The following CFAP299 variants were observed in gnomAD, a reference collection of about 807,000 sequenced individuals.
The protein encoded by CFAP299 is cilia and flagella associated protein 299.
CFAP299 carries 21 observed loss-of-function variants against 27.0 expected under a neutral mutation model. The ratio of observed to expected loss-of-function variants is 0.78; its 90% CI spans 0.55 to 1.12. CFAP299 has a LOEUF of 1.12. CFAP299 is among the 50% of genes most tolerant of loss of function. The probability of loss-of-function intolerance (pLI) is 0.00; values close to 1 mark genes in which losing one functional copy is unlikely to be tolerated. For synonymous variants in CFAP299, 104 were observed against 98.1 expected (o/e 1.06, Z -0.36); for missense variants, 310 against 276.6 (o/e 1.12, Z -0.86).
chr4:80,760,718 T>G (rs547370528), intron 3 of CFAP299, among the ~76,000 whole-genome samples: 45 of 152,170 alleles, frequency 3.0e-4, no homozygotes, highest in Admixed American at 7.2e-4. Flanking sequence ...TCAAATTTTT[T>G]CAAGAACACA....
intron 3 of CFAP299, among the ~76,000 whole-genome samples, chr4:80,752,408 A>G (rs1366378939): frequency 1.4e-5 from 2 of 146,370 alleles, no homozygotes; most frequent in African/African-American, 5.0e-5. Flanking sequence ...ATATTTATAT[A>G]TATATATACA....
At chr4:80,440,058 G>A (rs1560568297) in intron 2 of CFAP299, among the ~76,000 whole-genome samples, 1 of 152,174 alleles carries the variant, frequency 6.6e-6, no homozygotes, top group African/African-American at 2.4e-5. Flanking sequence ...CCCATCAGGG[G>A]CTTATAGATA....
At chr4:80,935,407 C>T (rs547829349) in intron 4 of CFAP299, among the ~76,000 whole-genome samples, 6 of 152,026 alleles carry the variant, frequency 3.9e-5, no homozygotes, top group South Asian at 4.1e-4. Context: ...GAAGAAGGGC[C>T]ACACACTGTG....
intron 4 of CFAP299, among the ~76,000 whole-genome samples, chr4:80,930,690 C>T (rs1736570329): frequency 6.6e-6 from 1 of 152,134 alleles, no homozygotes; most frequent in Non-Finnish European, 1.5e-5. Flanking sequence ...TGTGTTTTCT[C>T]ACTCAGACAC....
intron 2 of CFAP299, among the ~76,000 whole-genome samples, chr4:80,558,535 A>G (rs1235677726): frequency 6.6e-6 from 1 of 151,844 alleles, no homozygotes; most frequent in Admixed American, 6.6e-5. Context: ...ACAGATCAAC[A>G]CAAACTTGAG....
intron 3 of CFAP299, among the ~76,000 whole-genome samples, chr4:80,779,411 A>G (rs1336580664): frequency 6.6e-6 from 1 of 152,012 alleles, no homozygotes; most frequent in African/African-American, 2.4e-5. Context: ...AATGTATCCT[A>G]CTTTGCTACT....
chr4:80,504,462 C>CAT (rs56729877), intron 2 of CFAP299, among the ~76,000 whole-genome samples: 3,769 of 37,422 alleles, frequency 0.1, 203 homozygotes, highest in Non-Finnish European at 0.11. Flanking sequence ...TAAAATCTCA[C>CAT]ATATATATAT....
At chr4:80,366,318 A>AC (rs1413536926) in intron 2 of CFAP299, among the ~76,000 whole-genome samples, 1 of 152,220 alleles carries the variant, frequency 6.6e-6, no homozygotes, top group Non-Finnish European at 1.5e-5. Flanking sequence ...ATCATAGAGC[A>AC]CCTATTTCGA....
Position 80,858,113 on chromosome 4 carries a change from A to T in CFAP299, c.334-11880A>T, listed in dbSNP as rs921985407. ...TGTTATTGGTCTATTCAGAGATTCA[A>T]CTTCTTCCTACTTTAGTCTTGGGAG... On this transcript the variant is annotated intron_variant, in intron 3 of 5. Transcript: ENST00000358105. Among the ~76,000 whole-genome samples, 85 of 152,176 alleles carry T rather than the reference A, an allele frequency of 5.6e-4. 1 individual carries two copies. Among genetic ancestry groups the T allele is most frequent in the Non-Finnish European group, 1.8e-4 (12 of 68,032 alleles).
At chr4:80,898,887 A>G (rs780354550) in intron 4 of CFAP299, among the ~76,000 whole-genome samples, 8 of 152,326 alleles carry the variant, frequency 5.3e-5, no homozygotes, top group Admixed American at 1.3e-4. Context: ...CTTTAGACAA[A>G]ATAATCAAGA....
At chr4:80,772,638 T>C (rs1282529399) in intron 3 of CFAP299, among the ~76,000 whole-genome samples, 1 of 152,068 alleles carries the variant, frequency 6.6e-6, no homozygotes, top group African/African-American at 2.4e-5. Context: ...GGTGGTTTGC[T>C]GCCCCTATCA....
chr4:80,727,330 T>G (rs76996868), intron 3 of CFAP299, among the ~76,000 whole-genome samples: 2,674 of 152,164 alleles, frequency 0.018, 54 homozygotes, highest in Admixed American at 0.058. Flanking sequence ...TATAATATTT[T>G]TAAAAAGCTA....
At chr4:80,456,227 A>G (rs1729147357) in intron 2 of CFAP299, among the ~76,000 whole-genome samples, 1 of 152,090 alleles carries the variant, frequency 6.6e-6, no homozygotes, top group South Asian at 2.1e-4. Context: ...CCAGAGAAAT[A>G]AAGGGAGTGG....
chr4:80,849,379 T>C (rs1411279034), intron 3 of CFAP299, among the ~76,000 whole-genome samples: 1 of 152,128 alleles, frequency 6.6e-6, no homozygotes, highest in African/African-American at 2.4e-5. Flanking sequence ...TTTTTAAAAC[T>C]GTTATGAGAG....
rs912163529 is a variant in CFAP299, at chr4:80,499,998, G to A, written c.243-83095G>A. Among the ~76,000 whole-genome samples the A allele has an allele frequency of 5.3e-5, 8 of 151,576 alleles. 1 individual carries two copies. The highest frequency in any genetic ancestry group is 1.3e-4 in the Admixed American group (2 of 15,216). On this transcript the variant is annotated intron_variant, in intron 2 of 5. Transcript: ENST00000358105. Reference sequence around the variant, plus strand: ...TTTTTTGTTTGTTTGTTTGAATGACGGACTTTAGCATTTTTGTTTTGAAAT... The same window carrying A: ...TTTTTTGTTTGTTTGTTTGAATGACAGACTTTAGCATTTTTGTTTTGAAAT...
Position 80,813,043 on chromosome 4 carries a change from A to C in CFAP299, c.334-56950A>C, listed in dbSNP as rs56116348. Among the ~76,000 whole-genome samples the C allele has an allele frequency of 8.8e-3, 1,335 of 152,206 alleles. 18 individuals are homozygous for C. The highest frequency in any genetic ancestry group is 0.03 in the African/African-American group (1,263 of 41,552). The stretch of plus-strand genomic sequence containing the variant: ...GAAGAGAAAAAGCGCATTGCTTTAA[A>C]ACTTGAAAATATTTTAGCTGAACAC... On this transcript the variant is annotated intron_variant, in intron 3 of 5. Coordinates refer to ENST00000358105, the MANE Select transcript of CFAP299 (RefSeq NM_152770.3).
intron 2 of CFAP299, among the ~76,000 whole-genome samples, chr4:80,435,013 AAG>A (rs778418905): frequency 6.6e-6 from 1 of 152,220 alleles, no homozygotes; most frequent in Non-Finnish European, 1.5e-5. Context: ...GCTAGTATGC[AAG>A]TGGAGGTGGA....
chr4:80,479,183 T>G (rs1218091317), intron 2 of CFAP299, among the ~76,000 whole-genome samples: 2 of 152,006 alleles, frequency 1.3e-5, no homozygotes, highest in African/African-American at 4.8e-5. Flanking sequence ...TGCAGTTGGA[T>G]TATATAAAAG....
intron 3 of CFAP299, among the ~76,000 whole-genome samples, chr4:80,807,345 G>T (rs149966446): frequency 6.6e-6 from 1 of 151,950 alleles, no homozygotes; most frequent in South Asian, 2.1e-4. Flanking sequence ...GAATCACAAC[G>T]TCGGAATACA....
Sources: gnomAD v4.1 joint callset for allele counts (sites outside exome capture counted in the v4.1 genomes callset) on GRCh38, gnomAD v4.1.1 for gene constraint, MANE v1.5 for transcripts, NCBI Gene and HGNC (gene_info 2026-07-23, HGNC 2026-07-21) for gene names.